The following BTBD8 variants were observed in gnomAD, a reference collection of about 807,000 sequenced individuals.
The protein encoded by BTBD8 is BTB domain containing 8, also known as BTB/POZ domain-containing protein 8.
BTBD8 carries 110 observed loss-of-function variants against 162.9 expected under a neutral mutation model. The ratio of observed to expected loss-of-function variants is 0.68; its 90% CI spans 0.58 to 0.79. BTBD8 has a LOEUF of 0.79. Among genes scored for constraint, BTBD8 ranks in the 30% least tolerant of loss-of-function variants. BTBD8 has a pLI of 0.00. For synonymous variants in BTBD8, 667 were observed against 716.1 expected (o/e 0.93, Z 1.10); for missense variants, 1,905 against 2,085.4 (o/e 0.91, Z 1.68).
intron 2 of BTBD8, among the ~76,000 whole-genome samples, chr1:92,091,621 G>T: frequency 6.6e-6 from 1 of 151,666 alleles, no homozygotes; most frequent in East Asian, 1.9e-4. Flanking sequence ...TGCAAGCTCC[G>T]CCTCCCGGTC....
intron 7 of BTBD8, among the ~76,000 whole-genome samples, chr1:92,143,407 A>G (rs958299689): frequency 3.3e-5 from 5 of 151,956 alleles, no homozygotes; most frequent in Non-Finnish European, 5.9e-5. Context: ...CACAAAAGAC[A>G]TTTTTTATAT....
At chr1:92,178,198 T>G (rs1227211434) in intron 15 of BTBD8, 114 bp from the exon 16 acceptor site, 1 of 811,434 alleles carries the variant, frequency 1.2e-6, no homozygotes, top group African/African-American at 1.7e-5. Flanking sequence ...TTTTCTATTT[T>G]CAGGAGAGAT....
chr1:92,118,489 A>G (rs1276970197), intron 4 of BTBD8, among the ~76,000 whole-genome samples: 1 of 151,726 alleles, frequency 6.6e-6, no homozygotes, highest in Non-Finnish European at 1.5e-5. Flanking sequence ...ATCACTGTTT[A>G]TGTTAACCTT....
At chr1:92,090,167 G>A (rs1648260343) in intron 2 of BTBD8, among the ~76,000 whole-genome samples, 1 of 152,122 alleles carries the variant, frequency 6.6e-6, no homozygotes, top group Non-Finnish European at 1.5e-5. Context: ...GAGTGGGATT[G>A]CTGGATTATA....
chr1:92,084,367 T>C (rs1026095749), intron 1 of BTBD8, among the ~76,000 whole-genome samples: 10 of 152,184 alleles, frequency 6.6e-5, no homozygotes, highest in African/African-American at 1.9e-4. Context: ...TGGATGTACC[T>C]GCGTGTGTTG....
At chr1:92,166,107 T>A (rs1453728484) in intron 9 of BTBD8, among the ~76,000 whole-genome samples, 2 of 152,190 alleles carry the variant, frequency 1.3e-5, no homozygotes, top group African/African-American at 4.8e-5. Flanking sequence ...GAGATCAATA[T>A]TTGTGAATGT....
rs1293280614 is a variant in BTBD8 at position 92,167,080 on chromosome 1, A to G, written c.1245A>G (p.Ala415=). 10 of 1,550,570 alleles carry G rather than the reference A, an allele frequency of 6.4e-6. No individual in the cohort carries two copies. Among genetic ancestry groups the G allele is most frequent in the Non-Finnish European group, 8.7e-6 (10 of 1,147,004 alleles). ...CTCAGCTTCAAGAAAAATGTATTGC[A>G]TTTATTGTAGACAACTTCTCCAAGA... ...MASQLQEKCI[A]FIVDNFSKII... The change falls in exon 10 of 18, where the codon GCA becomes GCG. Residue 415 remains alanine (A), a synonymous_variant. Coordinates refer to ENST00000636805, the MANE Select transcript of BTBD8 (RefSeq NM_001376131.1).
chr1:92,089,165 A>G (rs1400840396), intron 2 of BTBD8, among the ~76,000 whole-genome samples: 1 of 152,196 alleles, frequency 6.6e-6, no homozygotes, highest in East Asian at 1.9e-4. Flanking sequence ...ATCCTGAGAA[A>G]AGGGAAATGG....
chr1:92,084,909 G>A (rs564019602), intron 1 of BTBD8, among the ~76,000 whole-genome samples: 2 of 152,246 alleles, frequency 1.3e-5, no homozygotes, highest in Admixed American at 1.3e-4. Flanking sequence ...CCAACATATA[G>A]TTCCACACTC....
intron 4 of BTBD8, among the ~76,000 whole-genome samples, chr1:92,121,286 A>G (rs183843744): frequency 6.6e-6 from 1 of 152,264 alleles, no homozygotes; most frequent in African/African-American, 2.4e-5. Flanking sequence ...TCAGTTTGCT[A>G]ATATTTTGTT....
At chr1:92,104,162 G>A (rs574188947) in intron 3 of BTBD8, among the ~76,000 whole-genome samples, 2 of 152,312 alleles carry the variant, frequency 1.3e-5, no homozygotes, top group South Asian at 4.1e-4. Flanking sequence ...AATTGTATTG[G>A]ATCAAACTCA....
chr1:92,113,887 C>T (rs1405048487), intron 4 of BTBD8, among the ~76,000 whole-genome samples: 1 of 151,764 alleles, frequency 6.6e-6, no homozygotes, highest in African/African-American at 2.4e-5. Flanking sequence ...TGGCATGTGC[C>T]TGTAGTCCCA....
At chr1:92,143,827 G>A (rs1416600016) in intron 7 of BTBD8, among the ~76,000 whole-genome samples, 1 of 151,436 alleles carries the variant, frequency 6.6e-6, no homozygotes, top group African/African-American at 2.4e-5. Flanking sequence ...TTTTAATATT[G>A]TCTATTTTGC....
chr1:92,163,019 C>T (rs904347833), intron 9 of BTBD8, among the ~76,000 whole-genome samples: 5 of 151,730 alleles, frequency 3.3e-5, no homozygotes, highest in African/African-American at 1.2e-4. Context: ...TATATATATA[C>T]ACTGGTAAGA....
intron 9 of BTBD8, among the ~76,000 whole-genome samples, chr1:92,148,549 A>G (rs183446043): frequency 1.6e-4 from 24 of 152,338 alleles, no homozygotes; most frequent in African/African-American, 5.5e-4. Context: ...AGGATGCAAT[A>G]CATGCTGTAA....
intron 1 of BTBD8, among the ~76,000 whole-genome samples, chr1:92,087,441 T>C (rs1410695349): frequency 1.3e-5 from 2 of 152,230 alleles, no homozygotes; most frequent in African/African-American, 2.4e-5. Context: ...TTGAAAATAT[T>C]GACCAAACTA....
rs1650925086 is a variant in BTBD8, at chr1:92,182,007, G to C, written c.4324G>C (p.Val1442Leu). The change falls in exon 17 of 18, where the codon GTC becomes CTC. Residue 1442 changes from valine to leucine, a missense_variant. Val to Leu is a conservative substitution (Grantham distance 32). Around this residue, in one of 3 missense-constraint regions of BTBD8, gnomAD observed 517 missense variants for 606.6 expected, o/e 0.85. Transcript: ENST00000636805. ...GTTTAAAAGGTCAGTTTTACTTTCA[G>C]TCGATGAATGTGAAGAGCTGGGATC... Reference protein sequence around the residue: ...KKFKRSVLLSVDECEELGSDE... With the variant: ...KKFKRSVLLSLDECEELGSDE... 2 of 1,551,476 alleles carry C rather than the reference G, an allele frequency of 1.3e-6. No homozygotes were observed. The highest frequency in any genetic ancestry group is 1.7e-6 in the Non-Finnish European group (2 of 1,146,852).
chr1:92,114,582 T>C (rs1648985614), intron 4 of BTBD8, among the ~76,000 whole-genome samples: 1 of 152,116 alleles, frequency 6.6e-6, no homozygotes, highest in South Asian at 2.1e-4. Context: ...TCCTCTTTTA[T>C]AGAAAAATAA....
chr1:92,143,360 T>A (rs770042995), intron 7 of BTBD8, among the ~76,000 whole-genome samples: 3 of 152,184 alleles, frequency 2.0e-5, no homozygotes, highest in Non-Finnish European at 2.9e-5. Context: ...TGCAGCTTCT[T>A]GTATTTTATT....
Sources: allele counts gnomAD v4.1 joint callset (sites outside exome capture counted in the v4.1 genomes callset), GRCh38; gene constraint gnomAD v4.1.1; regional missense constraint gnomAD v4.1.1; transcripts MANE v1.5; gene names NCBI Gene and HGNC (gene_info 2026-07-23, HGNC 2026-07-21).